Variants in RAB5A observed in about 807,000 individuals in gnomAD.
The protein encoded by RAB5A is RAB5A, member RAS oncogene family, also known as ras-related protein Rab-5A.
RAB5A carries 8 observed loss-of-function variants against 25.7 expected under a neutral mutation model. The observed-to-expected ratio is 0.31, with a 90% CI of 0.18 to 0.56. The LOEUF is 0.56. Ranked by LOEUF, RAB5A falls within the 20% of genes least tolerant of loss-of-function variation. The pLI, the probability that RAB5A is intolerant of heterozygous loss-of-function variation, is 0.91. For synonymous variants in RAB5A, 98 were observed against 89.8 expected (o/e 1.09, Z -0.52); for missense variants, 192 against 259.7 (o/e 0.74, Z 1.79).
intron 2 of RAB5A, among the ~76,000 whole-genome samples, chr3:19,969,638 T>A (rs569693314): frequency 6.6e-6 from 1 of 152,348 alleles, no homozygotes; most frequent in East Asian, 1.9e-4. Context: ...ATCAAATCTG[T>A]AGTCTTATAT....
chr3:19,975,628 T>G lies in RAB5A; in HGVS notation c.191T>G (p.Leu64Arg). Residue 64 changes from leucine (L) to arginine (R), a missense_variant, in exon 3 of 6, where the codon CTT becomes CGT. Transcript: ENST00000273047. The part of the protein sequence containing the change: ...GAAFLTQTVC[L>R]DDTTVKFEIW... ...GCTTTTCTAACCCAAACTGTATGTC[T>G]TGATGACACTACAGTAAAGTTTGAA... 6.2e-7 allele frequency: 1 copy of G among 1,613,840 alleles called. No individual in the cohort carries two copies. Among genetic ancestry groups the G allele is most frequent in the Non-Finnish European group, 8.5e-7 (1 of 1,179,900 alleles).
At chr3:19,968,771 A>C (rs1284998660) in intron 2 of RAB5A, among the ~76,000 whole-genome samples, 1 of 151,648 alleles carries the variant, frequency 6.6e-6, no homozygotes, top group East Asian at 2.0e-4. Context: ...CCTTACTTCC[A>C]ATTCTTGATG....
chr3:19,975,924 C>A, intron 3 of RAB5A, 123 bp from the exon 4 acceptor site: 2 of 1,380,698 alleles, frequency 1.4e-6, no homozygotes, highest in Non-Finnish European at 2.0e-6. Context: ...TCTCATAATA[C>A]AATAGTCCTA....
chr3:19,953,400 TTC>T (rs1401256708), intron 2 of RAB5A, among the ~76,000 whole-genome samples: 1 of 150,626 alleles, frequency 6.6e-6, no homozygotes, highest in African/African-American at 2.4e-5. Flanking sequence ...GCATCCAAAT[TTC>T]TGTTAATCCT....
chr3:19,975,450 C>T, intron 2 of RAB5A, 151 bp from the exon 3 acceptor site: 6 of 646,472 alleles, frequency 9.3e-6, no homozygotes, highest in Non-Finnish European at 1.5e-5. Flanking sequence ...TTTTTCCCCC[C>T]TCATTTATTA....
intron 2 of RAB5A, among the ~76,000 whole-genome samples, chr3:19,975,337 G>T (rs996275904): frequency 4.6e-5 from 7 of 151,946 alleles, no homozygotes; most frequent in African/African-American, 1.7e-4. Flanking sequence ...GGCCCTATAT[G>T]TAAGCATATA....
At chr3:19,965,720 T>G (rs1184109071) in intron 2 of RAB5A, among the ~76,000 whole-genome samples, 2 of 152,142 alleles carry the variant, frequency 1.3e-5, no homozygotes, top group African/African-American at 2.4e-5. Context: ...GCTCATAGAT[T>G]TTTATATTTG....
chr3:19,981,618 A>G (rs1696929648), intron 5 of RAB5A, among the ~76,000 whole-genome samples: 1 of 152,084 alleles, frequency 6.6e-6, no homozygotes, highest in African/African-American at 2.4e-5. Flanking sequence ...CGCCTCAAAA[A>G]AAAAAAAATC....
At chr3:19,950,642 A>G (rs913653058) in intron 1 of RAB5A, among the ~76,000 whole-genome samples, 164 bp from the exon 2 acceptor site, 16 of 152,220 alleles carry the variant, frequency 1.1e-4, no homozygotes, top group African/African-American at 3.9e-4. Context: ...TTGGACTCAC[A>G]TCCTATACCT....
At position 19,954,290 on chromosome 3, in the gene RAB5A, T is replaced by C. The variant is rs921279158; in HGVS notation, c.163+3229T>C. ...TCGGCCTCCCAAAGTGCTGGAATTA[T>C]AGGCGTGAACCTCCACGCCTGGCCT... On this transcript the variant is annotated intron_variant, in intron 2 of 5. Coordinates refer to ENST00000273047, the MANE Select transcript of RAB5A (RefSeq NM_004162.5). Among the ~76,000 whole-genome samples, 6 of 152,186 alleles carry C rather than the reference T, an allele frequency of 3.9e-5. No homozygotes were observed. In the South Asian group the frequency reaches 8.3e-4, roughly 21 times the overall value.
At chr3:19,971,568 T>G (rs1329953480) in intron 2 of RAB5A, among the ~76,000 whole-genome samples, 1 of 151,906 alleles carries the variant, frequency 6.6e-6, no homozygotes, top group Non-Finnish European at 1.5e-5. Flanking sequence ...GCCTCCCGAG[T>G]TCAAGTGATT....
At chr3:19,969,159 C>G (rs1453753069) in intron 2 of RAB5A, among the ~76,000 whole-genome samples, 1 of 151,192 alleles carries the variant, frequency 6.6e-6, no homozygotes, top group East Asian at 1.9e-4. Context: ...GTTTTCCTGC[C>G]TCAGCCTCCC....
rs775188433 is a variant in RAB5A at position 19,975,692 on chromosome 3, A to G, written c.255A>G (p.Leu85=). The change falls in exon 3 of 6, where the codon CTA becomes CTG. Residue 85 remains leucine, a synonymous_variant. Coordinates refer to ENST00000273047, the MANE Select transcript of RAB5A (RefSeq NM_004162.5). ...DTAGQERYHS[L]APMYYRGAQA... is the part of the protein sequence containing the mutation. The stretch of plus-strand genomic sequence containing the variant: ...CTGGTCAAGAACGATACCATAGCCT[A>G]GCACCAATGTACTACAGAGGAGCAC... The G allele has an allele frequency of 6.2e-7, 1 of 1,613,924 alleles. No individual in the cohort carries two copies. Among genetic ancestry groups the G allele is most frequent in the Non-Finnish European group, 8.5e-7 (1 of 1,179,804 alleles).
At chr3:19,970,941 A>G (rs1326453869) in intron 2 of RAB5A, among the ~76,000 whole-genome samples, 1 of 152,192 alleles carries the variant, frequency 6.6e-6, no homozygotes, top group Non-Finnish European at 1.5e-5. Context: ...TCATGCCTGT[A>G]ATCCCAGCAC....
chr3:19,964,654 C>T (rs1356113831), intron 2 of RAB5A, among the ~76,000 whole-genome samples: 2 of 152,150 alleles, frequency 1.3e-5, no homozygotes, highest in Non-Finnish European at 2.9e-5. Flanking sequence ...GACGGAGTCA[C>T]CCAGGGTGGA....
intron 2 of RAB5A, among the ~76,000 whole-genome samples, chr3:19,957,500 A>G (rs983518012): frequency 5.3e-5 from 8 of 152,026 alleles, no homozygotes; most frequent in African/African-American, 1.9e-4. Flanking sequence ...TAAAAAAAAA[A>G]AAAAAAGCAA....
At position 19,947,266 on chromosome 3, in the gene RAB5A, C is replaced by CCGCCGGCGGCGG; in HGVS notation, c.-347_-346insCCGGCGGCGGCG. 1 of 182,510 alleles carries CCGCCGGCGGCGG rather than the reference C, an allele frequency of 5.5e-6. No homozygotes were observed. Among genetic ancestry groups the CCGCCGGCGGCGG allele is most frequent in the South Asian group, 9.7e-5 (1 of 10,322 alleles). The allele number at this position is 182,510 out of a possible 1,614,324, so 11.3% of individuals were successfully genotyped here. A position where few individuals can be genotyped will look rare whatever the true frequency, so the allele number is the denominator to read the frequency against. On this transcript the variant is annotated 5_prime_UTR_variant, in exon 1 of 6. Coordinates refer to ENST00000273047, the MANE Select transcript of RAB5A (RefSeq NM_004162.5). Reference sequence around the variant, plus strand: ...GGAAGAATTAGTCGGAACTCCAGCGCCGGCGGCGGCGGCGGCGGCGGAGGA... The same window carrying CCGCCGGCGGCGG: ...GGAAGAATTAGTCGGAACTCCAGCGCCGCCGGCGGCGGCGGCGGCGGCGGCGGCGGCGGAGGA...
rs1274095230 is a variant in RAB5A, at chr3:19,978,326, C to G, written c.455C>G (p.Ala152Gly). The change falls in exon 5 of 6, where the codon GCA (alanine) becomes GGA (glycine). Residue 152 changes from alanine (A) to glycine (G), a missense_variant. Around this residue, in one of 3 missense-constraint regions of RAB5A, gnomAD observed 121 missense variants for 135.7 expected, o/e 0.89. Coordinates refer to ENST00000273047, the MANE Select transcript of RAB5A (RefSeq NM_004162.5). ...TGTAAACAGGAAGCACAGTCCTATG[C>G]AGATGACAATAGTTTATTATTCATG... is the stretch of plus-strand genomic sequence containing the variant. ...AVDFQEAQSY[A>G]DDNSLLFMET... 6.2e-7 allele frequency: 1 copy of G among 1,609,262 alleles called. No individual in the cohort carries two copies. Among genetic ancestry groups the G allele is most frequent in the Non-Finnish European group, 8.5e-7 (1 of 1,176,058 alleles).
At position 19,984,005 on chromosome 3, in the gene RAB5A, CT is replaced by C; in HGVS notation, c.*183del. 1 of 550,056 alleles carries C rather than the reference CT, an allele frequency of 1.8e-6. No individual in the cohort carries two copies. Among genetic ancestry groups the C allele is most frequent in the Non-Finnish European group, 3.3e-6 (1 of 301,980 alleles). 34.1% of individuals were successfully genotyped at this position (550,056 alleles called of 1,614,324 possible). ...AATTTTTAATAACATGCATGGGTCC[CT>C]CTCACTAATGTTTCAACAATAGGGA... On this transcript the variant is annotated 3_prime_UTR_variant, in exon 6 of 6. Transcript: ENST00000273047.
Sources: gnomAD v4.1 joint callset for allele counts (sites outside exome capture counted in the v4.1 genomes callset) on GRCh38, gnomAD v4.1.1 for gene constraint, gnomAD v4.1.1 regional missense constraint, MANE v1.5 for transcripts, NCBI Gene and HGNC (gene_info 2026-07-23, HGNC 2026-07-21) for gene names.